Variants in IQSEC1 observed in about 807,000 individuals in gnomAD.
The protein encoded by IQSEC1 is IQ motif and SEC7 domain-containing protein 1.
In IQSEC1, 31 loss-of-function variants were observed where a neutral mutation model predicts 91.0. That is an observed-to-expected ratio of 0.34 (90% confidence interval 0.26 to 0.46). The LOEUF (loss-of-function observed/expected upper bound fraction) is 0.46. Among genes scored for constraint, IQSEC1 ranks in the 20% least tolerant of loss-of-function variants. IQSEC1 has a pLI of 1.00. For missense variants in IQSEC1, 1,388 were observed against 1,575.6 expected (o/e 0.88, Z 2.02); for synonymous variants, 699 against 662.6 (o/e 1.05, Z -0.84).
rs561315168 is a variant in IQSEC1 at position 13,271,988 on chromosome 3, C to T, written c.272+10723G>A. ...AGTCCACCCAACAGCAGAAAACATT[C>T]TTCTTAAGTGTACACGGAACATTCT... On this transcript the variant is annotated intron_variant, in intron 1 of 15. Transcript: ENST00000648114. Among the ~76,000 whole-genome samples the T allele has an allele frequency of 3.3e-5, 5 of 152,274 alleles. No individual in the cohort carries two copies. In the South Asian group the frequency reaches 1.0e-3, roughly 32 times the overall value.
At chr3:13,109,078 T>A (rs1314319669) in intron 2 of IQSEC1, among the ~76,000 whole-genome samples, 1 of 151,804 alleles carries the variant, frequency 6.6e-6, no homozygotes, top group Non-Finnish European at 1.5e-5. Context: ...ACCACCAACA[T>A]GGAAGGGGAT....
intron 2 of IQSEC1, among the ~76,000 whole-genome samples, chr3:13,128,042 A>G (rs1706547647): frequency 6.6e-6 from 1 of 151,998 alleles, no homozygotes; most frequent in African/African-American, 2.4e-5. Context: ...GAATTCATTC[A>G]TTTTTTTCTG....
chr3:13,159,150 G>C (rs574860400), intron 2 of IQSEC1, among the ~76,000 whole-genome samples: 6 of 152,114 alleles, frequency 3.9e-5, no homozygotes, highest in Non-Finnish European at 8.8e-5. Context: ...GCAGATTCAG[G>C]CTGGGCACAG....
At chr3:13,033,336 AG>A (rs1369515690) in intron 1 of IQSEC1, among the ~76,000 whole-genome samples, 3 of 152,162 alleles carry the variant, frequency 2.0e-5, no homozygotes, top group Non-Finnish European at 4.4e-5. Flanking sequence ...ACAGACCAAG[AG>A]GCTTAAACAA....
At chr3:13,070,209 G>C (rs1705369651) in intron 1 of IQSEC1, among the ~76,000 whole-genome samples, 1 of 152,228 alleles carries the variant, frequency 6.6e-6, no homozygotes, top group African/African-American at 2.4e-5. Context: ...GCATGCTGGG[G>C]AAGGGACACC....
intron 2 of IQSEC1, among the ~76,000 whole-genome samples, chr3:13,124,687 T>C (rs759541354): frequency 2.6e-5 from 4 of 152,146 alleles, no homozygotes; most frequent in Non-Finnish European, 5.9e-5. Context: ...GGACTGTCAT[T>C]ATTCGTGGTG....
In IQSEC1 at chr3:12,992,770, C is replaced by T. The variant is rs1702046897; in HGVS notation, c.24-50905G>A. ...CCTGGACAAGGCCAGGGGGAGGGGA[C>T]ACCCACTGTCACCTTTCTGCTCCCT... is the stretch of plus-strand genomic sequence containing the variant. On this transcript the variant is annotated intron_variant, in intron 1 of 13. Coordinates refer to ENST00000613206, the MANE Select transcript of IQSEC1 (RefSeq NM_001134382.3). The surrounding 1 kb of genome is among the most constrained non-coding windows in gnomAD (Gnocchi z 4.1). Among the ~76,000 whole-genome samples, 1 of 152,236 alleles carries T rather than the reference C, an allele frequency of 6.6e-6. No homozygotes were observed. Among genetic ancestry groups the T allele is most frequent in the South Asian group, 2.1e-4 (1 of 4,834 alleles).
At position 13,045,124 on chromosome 3, in the gene IQSEC1, C is replaced by T. The variant is rs906474549; in HGVS notation, c.23+27868G>A. 3.2e-4 allele frequency among the ~76,000 whole-genome samples: 49 copies of T among 152,222 alleles called. 1 individual carries two copies. Among genetic ancestry groups the T allele is most frequent in the Non-Finnish European group, 2.9e-5 (2 of 68,030 alleles). On this transcript the variant is annotated intron_variant, in intron 1 of 13. Coordinates refer to ENST00000613206, the MANE Select transcript of IQSEC1 (RefSeq NM_001134382.3). ...TCTGCCTCCTGGCCACTCCTCCAGG[C>T]ATGCTCCACCCCAGGGCCTCTGCAC...
At chr3:13,095,839 T>G (rs1001579044) in intron 2 of IQSEC1, among the ~76,000 whole-genome samples, 15 of 152,308 alleles carry the variant, frequency 9.8e-5, no homozygotes, top group Admixed American at 2.0e-4. Flanking sequence ...CTGAGCCAGC[T>G]GCAGAGGAGA....
At chr3:13,013,315 A>G (rs772630156) in intron 1 of IQSEC1, among the ~76,000 whole-genome samples, 3 of 151,660 alleles carry the variant, frequency 2.0e-5, no homozygotes, top group Non-Finnish European at 4.4e-5. Context: ...CCAGATACCC[A>G]CTCTGCCGGC....
intron 7 of IQSEC1, 28 bp downstream of exon 7, chr3:12,915,566 C>T: frequency 6.2e-7 from 1 of 1,608,438 alleles, no homozygotes; most frequent in East Asian, 2.2e-5. Flanking sequence ...GTGCTGGGGC[C>T]CACCACGTAC....
At chr3:13,119,063 G>T (rs914673363) in intron 2 of IQSEC1, among the ~76,000 whole-genome samples, 1 of 151,088 alleles carries the variant, frequency 6.6e-6, no homozygotes, top group African/African-American at 2.4e-5. Flanking sequence ...AACAGAGCAA[G>T]ACTCTGTCTC....
chr3:13,220,263 C>T (rs1694632398), intron 1 of IQSEC1, among the ~76,000 whole-genome samples: 1 of 152,252 alleles, frequency 6.6e-6, no homozygotes, highest in South Asian at 2.1e-4. Flanking sequence ...CAGTTCCAGC[C>T]CCAGACCTTG....
At chr3:12,964,293 T>G (rs1700421860) in intron 1 of IQSEC1, among the ~76,000 whole-genome samples, 1 of 73,334 alleles carries the variant, frequency 1.4e-5, no homozygotes, top group Non-Finnish European at 3.0e-5. Context: ...TTGAGCATAC[T>G]CCCCCTACAC....
At chr3:13,234,026 C>T (rs1694878577) in intron 1 of IQSEC1, among the ~76,000 whole-genome samples, 1 of 152,258 alleles carries the variant, frequency 6.6e-6, no homozygotes, top group East Asian at 1.9e-4. Flanking sequence ...CTGACGCGCT[C>T]TGCATGCCAC....
At position 13,103,285 on chromosome 3, in the gene IQSEC1, C is replaced by A. The variant is rs1706094306; in HGVS notation, c.303-55763G>T. Reference sequence around the variant, plus strand: ...CAGATCAATAGCTTCCACTGGTTTCCAATTTGTGTTTCCAGAAATTCATCT... The same window carrying A: ...CAGATCAATAGCTTCCACTGGTTTCAAATTTGTGTTTCCAGAAATTCATCT... On this transcript the variant is annotated intron_variant, in intron 2 of 15. Coordinates refer to the IQSEC1 transcript ENST00000648114. This position sits in a 1 kb window ranked among gnomAD's most constrained non-coding sequence, Gnocchi z 4.1. Among the ~76,000 whole-genome samples the A allele has an allele frequency of 1.3e-5, 2 of 152,058 alleles. No individual in the cohort carries two copies. The highest frequency in any genetic ancestry group is 2.9e-5 in the Non-Finnish European group (2 of 68,016).
intron 1 of IQSEC1, among the ~76,000 whole-genome samples, chr3:12,978,420 C>G (rs938465475): frequency 6.6e-6 from 1 of 152,092 alleles, no homozygotes; most frequent in Non-Finnish European, 1.5e-5. Context: ...TGCACAGGGC[C>G]GGGCGCGGTG....
chr3:12,974,846 G>T (rs1383671513), intron 1 of IQSEC1, among the ~76,000 whole-genome samples: 1 of 152,250 alleles, frequency 6.6e-6, no homozygotes, highest in Non-Finnish European at 1.5e-5. Flanking sequence ...ACTTATGCTG[G>T]GTGGGCTTGG....
rs536592919 is a variant in IQSEC1 at position 12,923,763 on chromosome 3, C to A, written c.1730+818G>T. On this transcript the variant is annotated intron_variant, in intron 4 of 13. Transcript: ENST00000613206. ...GCCTCGTGCTCCAGGGGCTGCTGCT[C>A]CCGGGCACCTTCTCCCCAGCCCTCG... Among the ~76,000 whole-genome samples the A allele has an allele frequency of 2.6e-5, 4 of 152,360 alleles. No individual in the cohort carries two copies. The East Asian group carries it at 7.7e-4, about 29-fold the overall frequency.
Sources: gnomAD v4.1 joint callset for allele counts (sites outside exome capture counted in the v4.1 genomes callset) on GRCh38, gnomAD v4.1.1 for gene constraint, Gnocchi (gnomAD v3.1) non-coding constraint, MANE v1.5 for transcripts, NCBI Gene and HGNC (gene_info 2026-07-23, HGNC 2026-07-21) for gene names.